LOC122455342: variants seen among roughly 807,000 people sequenced by gnomAD.
the LOC122455342 span, chr17:76,569,247 G>C: frequency 8.5e-6 from 3 of 353,424 alleles, no homozygotes; most frequent in African/African-American, 7.2e-5. Flanking sequence ...CATAGGGGGT[G>C]ATATAGGACG....
chr17:76,569,004 G>A, the LOC122455342 span: 286 of 579,260 alleles, frequency 4.9e-4, 4 homozygotes, highest in East Asian at 6.6e-3. Flanking sequence ...GGACCTCCAC[G>A]GGCGGGGTGT....
the LOC122455342 span, chr17:76,569,053 G>A: frequency 5.4e-6 from 1 of 185,568 alleles, no homozygotes; most frequent in Non-Finnish European, 9.7e-6. Flanking sequence ...ACCGGGGGGA[G>A]TTGGGAAGGG....
At chr17:76,569,370 A>G in the LOC122455342 span, 1 of 363,714 alleles carries the variant, frequency 2.7e-6, no homozygotes, top group East Asian at 3.8e-5. Context: ...ATTTGAAACC[A>G]GACTGGGAGG....
the LOC122455342 span, chr17:76,569,091 C>T: frequency 1.3e-4 from 7 of 55,728 alleles, no homozygotes; most frequent in Admixed American, 4.7e-4. Flanking sequence ...GGTGGGGGGG[C>T]GGGGGAAGGA....
the LOC122455342 span, chr17:76,569,248 A>G: frequency 3.0e-6 from 1 of 329,688 alleles, no homozygotes; most frequent in African/African-American, 2.7e-5. Flanking sequence ...ATAGGGGGTG[A>G]TATAGGACGG....
At chr17:76,568,898 A>G in the LOC122455342 span, 3 of 1,068,176 alleles carry the variant, frequency 2.8e-6, no homozygotes, top group African/African-American at 4.8e-5. Context: ...CGGTACCCTG[A>G]GCGGTAGGAG....
chr17:76,569,084 G>C, the LOC122455342 span: 2 of 151,152 alleles, frequency 1.3e-5, no homozygotes, highest in Non-Finnish European at 2.4e-5. Context: ...TGGGGGTGGT[G>C]GGGGGGCGGG....
At chr17:76,568,834 C>G in the LOC122455342 span, 1 of 1,604,928 alleles carries the variant, frequency 6.2e-7, no homozygotes, top group Non-Finnish European at 8.5e-7. Context: ...GCGCCCAGAG[C>G]CGTCGTATTG....
the LOC122455342 span, chr17:76,568,888 C>T: frequency 1.1e-4 from 145 of 1,262,418 alleles, no homozygotes; most frequent in African/African-American, 8.9e-4. Flanking sequence ...GGAGTAGCCG[C>T]GGTACCCTGA....
chr17:76,569,089 G>T, the LOC122455342 span: 1 of 109,642 alleles, frequency 9.1e-6, no homozygotes, highest in Non-Finnish European at 1.7e-5. Context: ...GTGGTGGGGG[G>T]GCGGGGGAAG....
the LOC122455342 span, chr17:76,569,514 C>T: frequency 6.4e-6 from 2 of 314,382 alleles, no homozygotes; most frequent in Non-Finnish European, 5.2e-6. Flanking sequence ...GGGAGGGGGG[C>T]CGGGAGGAAG....
chr17:76,569,083 T>TG, the LOC122455342 span: 8 of 42,968 alleles, frequency 1.9e-4, no homozygotes, highest in Admixed American at 6.1e-4. Context: ...CTGGGGGTGG[T>TG]GGGGGGGCGG....
the LOC122455342 span, chr17:76,569,554 G>A: frequency 2.5e-6 from 1 of 395,764 alleles, no homozygotes; most frequent in Non-Finnish European, 4.4e-6. Flanking sequence ...GGAAGGGGCA[G>A]GCTGCTGGCC....
the LOC122455342 span, chr17:76,569,360 A>T: frequency 1.2e-5 from 4 of 342,618 alleles, no homozygotes; most frequent in Non-Finnish European, 2.0e-5. Context: ...CGAGAGAGGG[A>T]TTTGAAACCA....
chr17:76,569,423 G>A, the LOC122455342 span: 352 of 377,568 alleles, frequency 9.3e-4, 2 homozygotes, highest in Admixed American at 2.5e-3. Context: ...GCAGCCCCGC[G>A]GGGCACGTGT....
chr17:76,569,089 G>A, the LOC122455342 span: 1 of 109,642 alleles, frequency 9.1e-6, no homozygotes. Context: ...GTGGTGGGGG[G>A]GCGGGGGAAG....
At chr17:76,568,836 G>A in the LOC122455342 span, 257 of 1,602,300 alleles carry the variant, frequency 1.6e-4, no homozygotes, top group Non-Finnish European at 2.1e-4. Flanking sequence ...GCCCAGAGCC[G>A]TCGTATTGCA....
At chr17:76,569,460 C>T in the LOC122455342 span, 9 of 185,518 alleles carry the variant, frequency 4.9e-5, no homozygotes, top group South Asian at 8.7e-4. Flanking sequence ...GGTTCAGGGA[C>T]GAAGTCCGGG....
the LOC122455342 span, chr17:76,569,042 G>A: frequency 7.1e-6 from 1 of 141,446 alleles, no homozygotes; most frequent in Non-Finnish European, 1.4e-5. Context: ...GGCATGAACA[G>A]ACCGGGGGGA....
Sources: allele counts gnomAD v4.1 joint callset, GRCh38; gene constraint gnomAD v4.1.1; transcripts MANE v1.5.